The following KCNAB1 variants were observed in gnomAD, a reference collection of about 807,000 sequenced individuals.
KCNAB1 encodes the protein potassium voltage-gated channel subfamily A regulatory beta subunit 1.
In KCNAB1, 35 loss-of-function variants were observed where a neutral mutation model predicts 64.6. The observed-to-expected ratio is 0.54, with a 90% CI of 0.41 to 0.72. The LOEUF is 0.72. Ranked by LOEUF, KCNAB1 falls within the 30% of genes least tolerant of loss-of-function variation. The pLI, the probability that KCNAB1 is intolerant of heterozygous loss-of-function variation, is 0.00. For missense variants in KCNAB1, 401 were observed against 512.9 expected (o/e 0.78, Z 2.11); for synonymous variants, 177 against 183.8 (o/e 0.96, Z 0.30).
intron 1 of KCNAB1, among the ~76,000 whole-genome samples, chr3:156,321,343 A>G (rs1015808607): frequency 1.3e-5 from 2 of 152,194 alleles, no homozygotes; most frequent in Non-Finnish European, 2.9e-5. Flanking sequence ...GCAAACACAG[A>G]GCCCTTTTTA....
chr3:156,153,534 A>G (rs1715538870), intron 1 of KCNAB1, among the ~76,000 whole-genome samples: 2 of 152,148 alleles, frequency 1.3e-5, no homozygotes, highest in African/African-American at 2.4e-5. Flanking sequence ...TGTGTCTGTG[A>G]AGGTGTTTTT....
chr3:156,198,257 A>G lies in KCNAB1; in HGVS notation c.275+77371A>G, dbSNP rs998073629. The stretch of plus-strand genomic sequence containing the variant: ...TGCTGTGTGGTGCTGAGAAGAATGT[A>G]TATTCTGTTGCTTTGGGGTGGAGAG... On this transcript the variant is annotated intron_variant, in intron 1 of 13. Coordinates refer to ENST00000490337, the MANE Select transcript of KCNAB1 (RefSeq NM_172160.3). 1.4e-4 allele frequency among the ~76,000 whole-genome samples: 22 copies of G among 152,270 alleles called. No homozygotes were observed. The East Asian group carries it at 1.7e-3, about 12-fold the overall frequency.
chr3:156,149,257 G>A (rs571240261), intron 1 of KCNAB1, among the ~76,000 whole-genome samples: 87 of 152,082 alleles, frequency 5.7e-4, no homozygotes, highest in Non-Finnish European at 1.1e-3. Context: ...GAAGGAAACC[G>A]GACATAGTCC....
At chr3:156,177,535 C>G (rs983081649) in intron 1 of KCNAB1, among the ~76,000 whole-genome samples, 1 of 152,068 alleles carries the variant, frequency 6.6e-6, no homozygotes, top group Non-Finnish European at 1.5e-5. Flanking sequence ...CGCCACCCCG[C>G]CTGGCTAATT....
At chr3:156,228,804 C>T (rs1388414757) in intron 1 of KCNAB1, among the ~76,000 whole-genome samples, 1 of 152,214 alleles carries the variant, frequency 6.6e-6, no homozygotes, top group East Asian at 1.9e-4. Flanking sequence ...TTCTGACCAC[C>T]CTATTTCTCC....
chr3:156,378,984 TC>T (rs1711942492), intron 1 of KCNAB1, among the ~76,000 whole-genome samples: 1 of 152,214 alleles, frequency 6.6e-6, no homozygotes, highest in Non-Finnish European at 1.5e-5. Context: ...TGCTGAAAAA[TC>T]CCCAGAGCTG....
intron 8 of KCNAB1, among the ~76,000 whole-genome samples, chr3:156,501,125 C>T (rs966652804): frequency 6.6e-6 from 1 of 152,160 alleles, no homozygotes; most frequent in East Asian, 1.9e-4. Flanking sequence ...AAGGGGAAAA[C>T]ATTAATAATG....
At chr3:156,469,257 T>C (rs1253267851) in intron 7 of KCNAB1, among the ~76,000 whole-genome samples, 2 of 133,508 alleles carry the variant, frequency 1.5e-5, no homozygotes, top group African/African-American at 2.7e-5. Flanking sequence ...TCTTTTTTTT[T>C]TTTTTTTTTT....
At chr3:156,444,278 A>C (rs1038878319) in intron 2 of KCNAB1, among the ~76,000 whole-genome samples, 2 of 152,224 alleles carry the variant, frequency 1.3e-5, no homozygotes, top group Non-Finnish European at 2.9e-5. Context: ...TCCAAATCAC[A>C]TGGGATGCTT....
At chr3:156,281,426 C>G (rs1719706155) in intron 1 of KCNAB1, among the ~76,000 whole-genome samples, 1 of 149,984 alleles carries the variant, frequency 6.7e-6, no homozygotes, top group Non-Finnish European at 1.5e-5. Flanking sequence ...CTAAAATTCT[C>G]TTTTTTTGTT....
chr3:156,386,098 G>C (rs192177614), intron 1 of KCNAB1, among the ~76,000 whole-genome samples: 1 of 152,178 alleles, frequency 6.6e-6, no homozygotes, highest in East Asian at 1.9e-4. Flanking sequence ...TGACAAAGGG[G>C]CATAAGGCAG....
intron 1 of KCNAB1, among the ~76,000 whole-genome samples, chr3:156,238,940 AAATT>A (rs1717010757): frequency 6.6e-6 from 1 of 152,226 alleles, no homozygotes; most frequent in Non-Finnish European, 1.5e-5. Context: ...GGCTGCTAGG[AAATT>A]AATTAATTAA....
At chr3:156,283,794 G>A (rs1158085841) in intron 1 of KCNAB1, among the ~76,000 whole-genome samples, 3 of 151,940 alleles carry the variant, frequency 2.0e-5, no homozygotes, top group African/African-American at 7.3e-5. Flanking sequence ...ACGTAGTTCT[G>A]GAGCCTTGGT....
intron 1 of KCNAB1, among the ~76,000 whole-genome samples, chr3:156,402,694 A>T (rs1380920272): frequency 1.3e-5 from 2 of 152,212 alleles, no homozygotes; most frequent in African/African-American, 4.8e-5. Context: ...GCAGTGGCCT[A>T]TGTAAAATGC....
At chr3:156,145,536 A>G (rs1402246313) in intron 1 of KCNAB1, among the ~76,000 whole-genome samples, 1 of 152,148 alleles carries the variant, frequency 6.6e-6, no homozygotes, top group African/African-American at 2.4e-5. Flanking sequence ...GCTGACTTTC[A>G]TATTCTTACT....
intron 1 of KCNAB1, among the ~76,000 whole-genome samples, chr3:156,307,760 A>G (rs1721604374): frequency 6.6e-6 from 1 of 152,100 alleles, no homozygotes; most frequent in Non-Finnish European, 1.5e-5. Flanking sequence ...TAATTACTAA[A>G]CTATTGTTAT....
In KCNAB1 at chr3:156,172,065, ATC is replaced by A. The variant is rs1712031064; in HGVS notation, c.275+51183_275+51184del. Among the ~76,000 whole-genome samples the A allele has an allele frequency of 2.6e-5, 4 of 152,320 alleles. No homozygotes were observed. The Middle Eastern group carries it at 0.01, about 389-fold the overall frequency. On this transcript the variant is annotated intron_variant, in intron 1 of 13. Coordinates refer to ENST00000490337, the MANE Select transcript of KCNAB1 (RefSeq NM_172160.3). ...ATTTCTTGGCATTATGCCAAGAAAA[ATC>A]TCTAGGAACAAGGTGAGCGTTTGAT... is the stretch of plus-strand genomic sequence containing the variant.
At chr3:156,390,698 T>C (rs1712975570) in intron 1 of KCNAB1, among the ~76,000 whole-genome samples, 1 of 152,152 alleles carries the variant, frequency 6.6e-6, no homozygotes, top group Non-Finnish European at 1.5e-5. Context: ...TTCTCCTGCC[T>C]CAGCCTCCCG....
rs530854979 is a variant in KCNAB1, at chr3:156,508,288, T to C, written c.659-6076T>C. Among the ~76,000 whole-genome samples, 9 of 152,348 alleles carry C rather than the reference T, an allele frequency of 5.9e-5. No individual in the cohort carries two copies. The East Asian group carries it at 1.7e-3, about 29-fold the overall frequency. ...GCCAGATTAATTTGAGTACATTTTA[T>C]CTGATCAAAACATTAATTTCTAATA... On this transcript the variant is annotated intron_variant, in intron 8 of 13. Coordinates refer to ENST00000490337, the MANE Select transcript of KCNAB1 (RefSeq NM_172160.3). The surrounding 1 kb of genome is among the most constrained non-coding windows in gnomAD (Gnocchi z 4.1).
Sources: gnomAD v4.1 joint callset for allele counts (sites outside exome capture counted in the v4.1 genomes callset) on GRCh38, gnomAD v4.1.1 for gene constraint, Gnocchi (gnomAD v3.1) non-coding constraint, MANE v1.5 for transcripts, NCBI Gene and HGNC (gene_info 2026-07-23, HGNC 2026-07-21) for gene names.